The following NSD2 variants were observed in gnomAD, a reference collection of about 807,000 sequenced individuals.
NSD2 encodes histone-lysine N-methyltransferase NSD2.
A neutral mutation model predicts 139.0 loss-of-function variants in NSD2; 12 were observed. The observed-to-expected ratio is 0.09, with a 90% CI of 0.06 to 0.14. The LOEUF (loss-of-function observed/expected upper bound fraction) is 0.14. NSD2 is among the 10% of genes least tolerant of loss of function. The pLI, the probability that NSD2 is intolerant of heterozygous loss-of-function variation, is 1.00. For synonymous variants in NSD2, 669 were observed against 648.7 expected (o/e 1.03, Z -0.48); for missense variants, 1,155 against 1,745.0 (o/e 0.66, Z 6.02).
chr4:1,952,345 C>T, intron 11 of NSD2, 114 bp downstream of exon 11: 1 of 1,475,770 alleles, frequency 6.8e-7, no homozygotes, highest in Non-Finnish European at 9.1e-7. Context: ...CTCCCCACCC[C>T]CACCGCCTGG....
At chr4:1,932,347 G>A (rs1017701040) in intron 6 of NSD2, among the ~76,000 whole-genome samples, 11 of 150,428 alleles carry the variant, frequency 7.3e-5, no homozygotes, top group Non-Finnish European at 1.6e-4. Flanking sequence ...GCTGAGGCAC[G>A]AGAATCTCTT....
rs1560759617 is a variant in NSD2, at chr4:1,955,860, TAG to T, written c.2675+13_2675+14del. 1 of 1,612,986 alleles carries T rather than the reference TAG, an allele frequency of 6.2e-7. No individual in the cohort carries two copies. The highest frequency in any genetic ancestry group is 8.5e-7 in the Non-Finnish European group (1 of 1,178,972). On this transcript the variant is annotated intron_variant, in intron 14 of 21. Coordinates refer to ENST00000508803, the MANE Select transcript of NSD2 (RefSeq NM_001042424.3). The surrounding 1 kb of genome is among the most constrained non-coding windows in gnomAD (Gnocchi z 4.7). ...ACTTGGGAACTACAGGTGTGAGACATAGAATCGTATGCTTTTATGTCTTTTCT... is the reference window on the plus strand; with the variant it reads ...ACTTGGGAACTACAGGTGTGAGACATAATCGTATGCTTTTATGTCTTTTCT...
At chr4:1,872,637 C>CGAGAGAGAGAGA (rs1375337847) in intron 1 of NSD2, among the ~76,000 whole-genome samples, 2 of 81,746 alleles carry the variant, frequency 2.4e-5, no homozygotes, top group African/African-American at 4.3e-5. Flanking sequence ...AGAGAGAGAG[C>CGAGAGAGAGAGA]GCGCAGACCC....
At chr4:1,950,582 C>T (rs1169666419) in intron 9 of NSD2, among the ~76,000 whole-genome samples, 1 of 152,212 alleles carries the variant, frequency 6.6e-6, no homozygotes, top group East Asian at 1.9e-4. Flanking sequence ...GCATGGTCTC[C>T]ACCCCGGCGG....
chr4:1,902,582 G>T (rs1577394791), intron 2 of NSD2, among the ~76,000 whole-genome samples: 1 of 152,230 alleles, frequency 6.6e-6, no homozygotes, highest in South Asian at 2.1e-4. Flanking sequence ...TGCTTGGGAA[G>T]AGGCCTGTGC....
chr4:1,943,848 G>A (rs1277716821), intron 9 of NSD2: 1 of 1,062,946 alleles, frequency 9.4e-7, no homozygotes, highest in Non-Finnish European at 1.1e-6. Context: ...TGAAAATGAA[G>A]GGATTTCATT....
At chr4:1,884,714 A>G (rs1273568595) in intron 1 of NSD2, among the ~76,000 whole-genome samples, 3 of 152,052 alleles carry the variant, frequency 2.0e-5, no homozygotes, top group Admixed American at 6.6e-5. Context: ...TGCAAATTGT[A>G]TGCTCTATTT....
chr4:1,884,363 C>G (rs1180085762), intron 1 of NSD2, among the ~76,000 whole-genome samples: 1 of 151,590 alleles, frequency 6.6e-6, no homozygotes, highest in Non-Finnish European at 1.5e-5. Context: ...TCCCAAAGCA[C>G]TAAGATTACA....
intron 18 of NSD2, among the ~76,000 whole-genome samples, chr4:1,962,295 G>T (rs1725448308): frequency 6.6e-6 from 1 of 152,206 alleles, no homozygotes; most frequent in African/African-American, 2.4e-5. Flanking sequence ...AGAGACTAAA[G>T]AAGTACCCAG....
chr4:1,961,637 C>T (rs920621119), intron 18 of NSD2, among the ~76,000 whole-genome samples: 7 of 152,114 alleles, frequency 4.6e-5, no homozygotes, highest in Admixed American at 3.9e-4. Context: ...GATCAATGTT[C>T]TGAGGAAAAG....
chr4:1,876,544 T>A (rs949787353), intron 1 of NSD2, among the ~76,000 whole-genome samples: 1 of 152,004 alleles, frequency 6.6e-6, no homozygotes, highest in Admixed American at 6.6e-5. Flanking sequence ...TTTTGAAAAT[T>A]AGCTGGGCTT....
chr4:1,938,433 T>TTTTTTTTTTTTTTTTTTTTTTG lies in NSD2; in HGVS notation c.1675-10_1675-9insTTTTTTTTTTTTTGTTTTTTTT. ...TTTTCTTTCTTTTTTTTTTTTTTTT[T>TTTTTTTTTTTTTTTTTTTTTTG]TTTTTTTTAAATAATAGAGAGACAC... On this transcript the variant is annotated splice_polypyrimidine_tract_variant and intron_variant, in intron 7 of 21. Transcript: ENST00000508803. The TTTTTTTTTTTTTTTTTTTTTTG allele has an allele frequency of 8.0e-7, 1 of 1,243,970 alleles. No homozygotes were observed. Among genetic ancestry groups the TTTTTTTTTTTTTTTTTTTTTTG allele is most frequent in the Non-Finnish European group, 1.1e-6 (1 of 946,082 alleles). 77.1% of individuals were successfully genotyped at this position (1,243,970 alleles called of 1,614,324 possible).
At chr4:1,927,473 T>A (rs2108842131) in intron 5 of NSD2, among the ~76,000 whole-genome samples, 1 of 152,124 alleles carries the variant, frequency 6.6e-6, no homozygotes, top group East Asian at 1.9e-4. Context: ...ATCCCAGCAC[T>A]TTGGGAGGCC....
rs1409623677 is a variant in NSD2, at chr4:1,959,573, T to G, written c.3088T>G (p.Ser1030Ala). 1 of 1,614,168 alleles carries G rather than the reference T, an allele frequency of 6.2e-7. No homozygotes were observed. Among genetic ancestry groups the G allele is most frequent in the Non-Finnish European group, 8.5e-7 (1 of 1,180,030 alleles). Residue 1030 changes from serine to alanine, a missense_variant, in exon 17 of 22, where the codon TCG becomes GCG. This residue lies in a region of NSD2 where 139 missense variants were observed against 485.8 expected (regional missense o/e 0.29). Transcript: ENST00000508803. ...AGATGAGAATCCTTGTGGCTTTGAT[T>G]CGGAGTGTCTGAACAGGATGCTGAT... ...PTDENPCGFD[S>A]ECLNRMLMFE...
At chr4:1,944,116 T>C (rs1397752779) in intron 9 of NSD2, 2 of 1,065,102 alleles carry the variant, frequency 1.9e-6, no homozygotes, top group Non-Finnish European at 2.3e-6. Context: ...CCTGGGGACA[T>C]TGGGAAGGTG....
rs151126791 is a variant in NSD2 at position 1,918,461 on chromosome 4, C to T, written c.1248C>T (p.Pro416=). 586 of 1,613,966 alleles carry T rather than the reference C, an allele frequency of 3.6e-4. No individual in the cohort carries two copies. In the African/African-American group the frequency reaches 5.7e-3, roughly 16 times the overall value. ...CSSAETLESH[P]DIGKSTPQKT... is the part of the protein sequence containing the mutation. Reference sequence around the variant, plus strand: ...CTGCAGAGACCCTGGAGAGTCACCCCGACATAGGGAAGAGTACTCCTCAAA... The same window carrying T: ...CTGCAGAGACCCTGGAGAGTCACCCTGACATAGGGAAGAGTACTCCTCAAA... Residue 416 remains proline (P), a synonymous_variant, in exon 5 of 22, where the codon CCC becomes CCT. Transcript: ENST00000508803.
intron 1 of NSD2, among the ~76,000 whole-genome samples, chr4:1,883,080 T>G (rs1714820959): frequency 6.6e-6 from 1 of 152,092 alleles, no homozygotes; most frequent in Non-Finnish European, 1.5e-5. Flanking sequence ...AGTTGTGTTG[T>G]TTGGGATAAG....
At chr4:1,957,652 C>T (rs1036081700) in intron 15 of NSD2, among the ~76,000 whole-genome samples, 2 of 152,078 alleles carry the variant, frequency 1.3e-5, no homozygotes, top group African/African-American at 4.8e-5. Context: ...GGTGCTTTGT[C>T]CTTAGGCCAT....
At chr4:1,879,947 T>C (rs1232623419) in intron 1 of NSD2, among the ~76,000 whole-genome samples, 1 of 152,010 alleles carries the variant, frequency 6.6e-6, no homozygotes, top group Non-Finnish European at 1.5e-5. Context: ...CATTCTCTTC[T>C]CCAGGTTGTG....
Sources: allele counts gnomAD v4.1 joint callset (sites outside exome capture counted in the v4.1 genomes callset), GRCh38; gene constraint gnomAD v4.1.1; regional missense constraint gnomAD v4.1.1; non-coding constraint Gnocchi (gnomAD v3.1); transcripts MANE v1.5; gene names NCBI Gene and HGNC (gene_info 2026-07-23, HGNC 2026-07-21).